The following PALM2AKAP2 variants were observed in gnomAD, a reference collection of about 807,000 sequenced individuals.
PALM2AKAP2 encodes the protein PALM2-AKAP2 fusion protein.
In PALM2AKAP2, 37 loss-of-function variants were observed where a neutral mutation model predicts 71.5. The ratio of observed to expected loss-of-function variants is 0.52; its 90% CI spans 0.40 to 0.68. The LOEUF is 0.68. Among genes scored for constraint, PALM2AKAP2 ranks in the 30% least tolerant of loss-of-function variants. The pLI is 0.00. For synonymous variants in PALM2AKAP2, 468 were observed against 478.8 expected (o/e 0.98, Z 0.29); for missense variants, 1,224 against 1,191.8 (o/e 1.03, Z -0.40).
intron 1 of PALM2AKAP2, among the ~76,000 whole-genome samples, chr9:109,808,817 T>C (rs946042441): frequency 6.6e-6 from 1 of 152,250 alleles, no homozygotes; most frequent in Non-Finnish European, 1.5e-5. Context: ...CCCAGGGCCT[T>C]GCTGCTTTGT....
Position 110,168,351 on chromosome 9 carries a change from T to A in PALM2AKAP2, c.2749-48T>A, listed in dbSNP as rs377153378. The stretch of plus-strand genomic sequence containing the variant: ...AAACAGAGAAGTCGGTTTATGTTCA[T>A]AATTAACATCCATGAACTCTGCATA... On this transcript the variant is annotated intron_variant, in intron 3 of 3. Coordinates refer to ENST00000374525, the Ensembl canonical transcript of PALM2AKAP2. 3 of 1,592,270 alleles carry A rather than the reference T, an allele frequency of 1.9e-6. No individual in the cohort carries two copies. In the African/African-American group the frequency reaches 4.1e-5, roughly 22 times the overall value.
At chr9:109,741,722 G>A (rs914891521) in intron 1 of PALM2AKAP2, among the ~76,000 whole-genome samples, 7 of 152,162 alleles carry the variant, frequency 4.6e-5, no homozygotes, top group East Asian at 3.9e-4. Context: ...GGATTTTCTC[G>A]TAGAAACATT....
At chr9:110,008,311 C>G (rs980469792) in intron 6 of PALM2AKAP2, among the ~76,000 whole-genome samples, 1 of 151,942 alleles carries the variant, frequency 6.6e-6, no homozygotes, top group Non-Finnish European at 1.5e-5. Flanking sequence ...ACAACTAAAC[C>G]GTGCAACTGG....
At chr9:109,719,778 G>A (rs1380807116) in intron 1 of PALM2AKAP2, among the ~76,000 whole-genome samples, 4 of 152,080 alleles carry the variant, frequency 2.6e-5, no homozygotes, top group Non-Finnish European at 5.9e-5. Flanking sequence ...TCCTCCATGG[G>A]CTCATACTTA....
At chr9:109,956,917 A>G (rs1831757307) in intron 6 of PALM2AKAP2, among the ~76,000 whole-genome samples, 1 of 152,160 alleles carries the variant, frequency 6.6e-6, no homozygotes, top group African/African-American at 2.4e-5. Context: ...AAAAAATAAA[A>G]ATCCCAATTC....
At chr9:109,852,075 TA>T (rs77135262) in intron 1 of PALM2AKAP2, among the ~76,000 whole-genome samples, 258 of 150,260 alleles carry the variant, frequency 1.7e-3, no homozygotes, top group African/African-American at 3.3e-3. Flanking sequence ...GATCAGCTTT[TA>T]AAAAAAAAAT....
intron 1 of PALM2AKAP2, among the ~76,000 whole-genome samples, chr9:110,092,114 C>A (rs1248387709): frequency 6.6e-6 from 1 of 152,152 alleles, no homozygotes; most frequent in Non-Finnish European, 1.5e-5. Context: ...GGAGGACCAC[C>A]TGAGGTCAGG....
intron 6 of PALM2AKAP2, among the ~76,000 whole-genome samples, chr9:110,010,996 CAAAAAAA>C (rs754903953): frequency 1.8e-5 from 1 of 54,298 alleles, no homozygotes; most frequent in African/African-American, 7.2e-5. Context: ...AACTCTGTCT[CAAAAAAA>C]AAAAAAAAAA....
In PALM2AKAP2 at chr9:110,003,540, T is replaced by C. The variant is rs145794186; in HGVS notation, c.497-12414T>C. ...GGGTGGAGAGTTCTGTAGATGTCTA[T>C]TAGGTCCACTTGGTGCAGAGCTGAG... On this transcript the variant is annotated intron_variant, in intron 6 of 9. Transcript: ENST00000302798. 1.0e-3 allele frequency among the ~76,000 whole-genome samples: 156 copies of C among 152,322 alleles called. 2 individuals are homozygous for C. The East Asian group carries it at 0.029, about 28-fold the overall frequency.
intron 1 of PALM2AKAP2, among the ~76,000 whole-genome samples, chr9:110,109,018 G>A (rs1835178464): frequency 6.6e-6 from 1 of 151,928 alleles, no homozygotes; most frequent in African/African-American, 2.4e-5. Flanking sequence ...GTGGTACGTT[G>A]TTAAAACTTC....
intron 3 of PALM2AKAP2, among the ~76,000 whole-genome samples, chr9:109,901,357 G>A (rs1460268485): frequency 1.3e-5 from 2 of 152,170 alleles, no homozygotes; most frequent in African/African-American, 4.8e-5. Context: ...ACTATCTCTG[G>A]TATGTTGTCT....
rs1048462380 is a variant in PALM2AKAP2, at chr9:109,816,990, G to A, written c.45+36457G>A. ...AATATTTTTTTAAAAACTATAGGATGTAGTCTATTTTCAACTTTATTCAAC... is the reference window on the plus strand; with the variant it reads ...AATATTTTTTTAAAAACTATAGGATATAGTCTATTTTCAACTTTATTCAAC... On this transcript the variant is annotated intron_variant, in intron 1 of 9. Coordinates refer to the PALM2AKAP2 transcript ENST00000302798. 2.6e-5 allele frequency among the ~76,000 whole-genome samples: 4 copies of A among 152,186 alleles called. No homozygotes were observed. In the South Asian group the frequency reaches 6.2e-4, roughly 24 times the overall value.
At chr9:110,060,864 T>A (rs1039925263) in intron 1 of PALM2AKAP2, among the ~76,000 whole-genome samples, 4 of 152,222 alleles carry the variant, frequency 2.6e-5, no homozygotes, top group Non-Finnish European at 5.9e-5. Flanking sequence ...CCTCCCAAAG[T>A]GCTGGGATTA....
chr9:109,995,556 G>T (rs867581560), intron 6 of PALM2AKAP2, among the ~76,000 whole-genome samples: 3 of 152,164 alleles, frequency 2.0e-5, no homozygotes, highest in Non-Finnish European at 1.5e-5. Flanking sequence ...AGAAGGTGAA[G>T]GAGGAGCAAA....
chr9:109,705,030 G>T (rs1411313746), intron 1 of PALM2AKAP2, among the ~76,000 whole-genome samples: 1 of 152,160 alleles, frequency 6.6e-6, no homozygotes, highest in Admixed American at 6.5e-5. Context: ...AAAGAAAGAT[G>T]ATCATAACTA....
Position 110,099,687 on chromosome 9 carries a change from C to T in PALM2AKAP2, c.157-36440C>T, listed in dbSNP as rs544768884. Among the ~76,000 whole-genome samples, 5 of 152,230 alleles carry T rather than the reference C, an allele frequency of 3.3e-5. No homozygotes were observed. The South Asian group carries it at 1.0e-3, about 32-fold the overall frequency. On this transcript the variant is annotated intron_variant, in intron 1 of 3. Transcript: ENST00000374525. ...GAAATCTCATTTGCTTTGCATGAAT[C>T]AGTTTAGGAGTCCCGAGAAAACAAA...
chr9:109,783,030 C>T (rs1363604560), intron 1 of PALM2AKAP2, among the ~76,000 whole-genome samples: 1 of 152,126 alleles, frequency 6.6e-6, no homozygotes, highest in Non-Finnish European at 1.5e-5. Context: ...TAGGTCCTCA[C>T]ATCTTCACTT....
intron 7 of PALM2AKAP2, among the ~76,000 whole-genome samples, chr9:110,030,232 A>G (rs1833256602): frequency 6.6e-6 from 1 of 152,220 alleles, no homozygotes; most frequent in Non-Finnish European, 1.5e-5. Context: ...AATGATTTTT[A>G]CTTGAAGAAC....
chr9:110,131,541 T>G (rs1835734838), intron 1 of PALM2AKAP2, among the ~76,000 whole-genome samples: 1 of 152,222 alleles, frequency 6.6e-6, no homozygotes, highest in South Asian at 2.1e-4. Context: ...CAAGACATCA[T>G]CTGATGATAC....
Sources: gnomAD v4.1 joint callset for allele counts (sites outside exome capture counted in the v4.1 genomes callset) on GRCh38, gnomAD v4.1.1 for gene constraint, MANE v1.5 for transcripts, NCBI Gene and HGNC (gene_info 2026-07-23, HGNC 2026-07-21) for gene names.